LRGUK: variants seen among roughly 807,000 people sequenced by gnomAD.
LRGUK encodes the protein leucine-rich repeat and guanylate kinase domain-containing protein.
LRGUK carries 65 observed loss-of-function variants against 76.0 expected under a neutral mutation model. The observed-to-expected ratio is 0.85, with a 90% CI of 0.70 to 1.05. The LOEUF (loss-of-function observed/expected upper bound fraction) is 1.05. Among genes scored for constraint, LRGUK ranks in the 50% least tolerant of loss-of-function variants. LRGUK has a pLI of 0.00. For missense variants in LRGUK, 758 were observed against 732.8 expected (o/e 1.03, Z -0.40); for synonymous variants, 268 against 265.6 (o/e 1.01, Z -0.09).
At chr7:134,143,347 G>A (rs113872784) in intron 4 of LRGUK, among the ~76,000 whole-genome samples, 185 bp downstream of exon 4, 2,618 of 152,334 alleles carry the variant, frequency 0.017, 81 homozygotes, top group African/African-American at 0.055. Flanking sequence ...GAGCTGGTCT[G>A]TCAGTGGATA....
rs1802146268 is a variant in LRGUK at position 134,241,342 on chromosome 7, A to C, written c.1984-6214A>C. On this transcript the variant is annotated intron_variant, in intron 16 of 19. Transcript: ENST00000285928. Reference sequence around the variant, plus strand: ...GCAGAGACACACATAGGCTCAAAATAAAGGGATGGAGGAAGATCTACCAAG... The same window carrying C: ...GCAGAGACACACATAGGCTCAAAATCAAGGGATGGAGGAAGATCTACCAAG... Among the ~76,000 whole-genome samples the C allele has an allele frequency of 2.0e-5, 3 of 152,204 alleles. No individual in the cohort carries two copies. The South Asian group carries it at 6.2e-4, about 32-fold the overall frequency.
intron 6 of LRGUK, among the ~76,000 whole-genome samples, chr7:134,162,826 C>CAAAA (rs11445116): frequency 9.0e-4 from 55 of 61,084 alleles, no homozygotes; most frequent in African/African-American, 1.9e-3. Context: ...GACTCCTTCT[C>CAAAA]AAAAAAAAAA....
At chr7:134,185,482 T>G (rs1563168810) in intron 11 of LRGUK, among the ~76,000 whole-genome samples, 2 of 151,532 alleles carry the variant, frequency 1.3e-5, no homozygotes, top group Admixed American at 1.3e-4. Context: ...AATCCAAGAT[T>G]GTGCCATTGC....
chr7:134,155,729 A>T (rs1318998959), intron 5 of LRGUK, among the ~76,000 whole-genome samples: 1 of 152,030 alleles, frequency 6.6e-6, no homozygotes, highest in Non-Finnish European at 1.5e-5. Context: ...CCATTTTCTA[A>T]TTTTTTTCCC....
intron 16 of LRGUK, among the ~76,000 whole-genome samples, chr7:134,223,624 G>A (rs997145880): frequency 2.6e-5 from 4 of 152,132 alleles, no homozygotes; most frequent in African/African-American, 7.2e-5. Context: ...CAAGAATCCC[G>A]AGAGTTACAC....
chr7:134,174,215 G>A (rs1448215699), intron 7 of LRGUK, among the ~76,000 whole-genome samples: 1 of 152,048 alleles, frequency 6.6e-6, no homozygotes, highest in Non-Finnish European at 1.5e-5. Flanking sequence ...GGTGGGGTGG[G>A]TAACCAGGTC....
At chr7:134,166,866 T>G (rs1326791995) in intron 7 of LRGUK, among the ~76,000 whole-genome samples, 3 of 152,202 alleles carry the variant, frequency 2.0e-5, no homozygotes, top group Non-Finnish European at 4.4e-5. Context: ...CCCTCTTCAC[T>G]GAACCCTGGC....
At chr7:134,276,452 C>T in the LRGUK span, among the ~76,000 whole-genome samples, 1 of 151,934 alleles carries the variant, frequency 6.6e-6, no homozygotes, top group Admixed American at 6.6e-5. Flanking sequence ...ACGGAAGGAC[C>T]GATGGTGGTG....
At chr7:134,198,505 A>G (rs922065684) in intron 13 of LRGUK, among the ~76,000 whole-genome samples, 4 of 152,226 alleles carry the variant, frequency 2.6e-5, no homozygotes, top group Non-Finnish European at 4.4e-5. Context: ...TTTAAAACAA[A>G]GACTTTGAAC....
At chr7:134,147,845 A>AGGTT (rs1798041599) in intron 4 of LRGUK, among the ~76,000 whole-genome samples, 1 of 151,802 alleles carries the variant, frequency 6.6e-6, no homozygotes, top group African/African-American at 2.4e-5. Flanking sequence ...GTGGATCATG[A>AGGTT]GGTCAGGAGA....
chr7:134,164,946 G>A (rs1170476672), intron 7 of LRGUK, among the ~76,000 whole-genome samples: 3 of 152,160 alleles, frequency 2.0e-5, no homozygotes, highest in Non-Finnish European at 2.9e-5. Flanking sequence ...TGTACCACGT[G>A]TCTTAGGAAG....
At chr7:134,170,044 C>G (rs1428350761) in intron 7 of LRGUK, among the ~76,000 whole-genome samples, 1 of 151,974 alleles carries the variant, frequency 6.6e-6, no homozygotes, top group African/African-American at 2.4e-5. Flanking sequence ...AATTATGTCA[C>G]TCTGGTAGAG....
intron 1 of LRGUK, among the ~76,000 whole-genome samples, chr7:134,135,444 T>G (rs1563135200): frequency 6.6e-6 from 1 of 152,196 alleles, no homozygotes; most frequent in Non-Finnish European, 1.5e-5. Context: ...CCTTTCCCTG[T>G]GTTTGCTGTT....
chr7:134,184,960 C>T (rs1040530213), intron 11 of LRGUK, among the ~76,000 whole-genome samples: 3 of 152,222 alleles, frequency 2.0e-5, no homozygotes, highest in Admixed American at 1.3e-4. Flanking sequence ...GGGACAGCCT[C>T]TCCTGTCTGA....
chr7:134,186,054 G>A (rs560663), intron 11 of LRGUK, among the ~76,000 whole-genome samples: 125,102 of 152,188 alleles, frequency 0.82, 52,386 homozygotes, highest in Non-Finnish European at 0.91. Flanking sequence ...TTGCTAATGC[G>A]TAAATTTGGA....
intron 16 of LRGUK, among the ~76,000 whole-genome samples, chr7:134,234,218 T>C (rs531612537): frequency 6.6e-6 from 1 of 152,278 alleles, no homozygotes; most frequent in East Asian, 1.9e-4. Flanking sequence ...CCAATATCCC[T>C]TTTTCTAAGC....
intron 12 of LRGUK, among the ~76,000 whole-genome samples, chr7:134,194,873 C>T (rs566714471): frequency 6.4e-4 from 98 of 152,218 alleles, no homozygotes; most frequent in African/African-American, 2.2e-3. Context: ...TAGACAGAGC[C>T]GATTTTTCAA....
At chr7:134,206,700 G>C (rs964893720) in intron 15 of LRGUK, among the ~76,000 whole-genome samples, 1 of 151,898 alleles carries the variant, frequency 6.6e-6, no homozygotes, top group Non-Finnish European at 1.5e-5. Context: ...TACAAAATAA[G>C]GTAAAAACTA....
downstream of LRGUK, among the ~76,000 whole-genome samples, chr7:134,268,172 TA>T (rs1802894079): frequency 1.3e-5 from 2 of 151,712 alleles, no homozygotes; most frequent in South Asian, 4.2e-4. Context: ...GGAAAATCAA[TA>T]AAACAAAAAG....
Sources: gnomAD v4.1 joint callset for allele counts (sites outside exome capture counted in the v4.1 genomes callset) on GRCh38, gnomAD v4.1.1 for gene constraint, MANE v1.5 for transcripts, NCBI Gene and HGNC (gene_info 2026-07-23, HGNC 2026-07-21) for gene names.